The following GDI2 variants were observed in gnomAD, a reference collection of about 807,000 sequenced individuals.
The protein encoded by GDI2 is GDP dissociation inhibitor 2.
GDI2 carries 22 observed loss-of-function variants against 54.2 expected under a neutral mutation model. That is an observed-to-expected ratio of 0.41 (90% CI 0.29 to 0.58). The LOEUF is 0.58. GDI2 is among the 20% of genes least tolerant of loss of function. The pLI, the probability that GDI2 is intolerant of heterozygous loss-of-function variation, is 0.35. For synonymous variants in GDI2, 177 were observed against 182.1 expected (o/e 0.97, Z 0.23); for missense variants, 422 against 546.0 (o/e 0.77, Z 2.26).
intron 1 of GDI2, among the ~76,000 whole-genome samples, chr10:5,802,153 CT>C (rs1004278650): frequency 2.6e-5 from 4 of 152,066 alleles, no homozygotes; most frequent in South Asian, 2.1e-4. Context: ...GAACTAGCCG[CT>C]TTTTTTTATG....
In GDI2 at chr10:5,796,745, A is replaced by T; in HGVS notation, c.253+18T>A. ...GTAATCAAAGTACTGTCATAAATTT[A>T]AGTTAGAAATTCTTTACCATTAGCC... is the stretch of plus-strand genomic sequence containing the variant. On this transcript the variant is annotated intron_variant, in intron 3 of 10. Transcript: ENST00000380191. 8.8e-7 allele frequency: 1 copy of T among 1,136,172 alleles called. No individual in the cohort carries two copies. The highest frequency in any genetic ancestry group is 1.3e-6 in the Non-Finnish European group (1 of 746,314). 70.4% of individuals were successfully genotyped at this position (1,136,172 alleles called of 1,614,324 possible). A position where few individuals can be genotyped will look rare whatever the true frequency, so the allele number is the denominator to read the frequency against.
intron 1 of GDI2, among the ~76,000 whole-genome samples, chr10:5,802,277 A>G (rs1030345572): frequency 1.1e-4 from 16 of 152,182 alleles, no homozygotes; most frequent in East Asian, 5.8e-4. Flanking sequence ...CGTGCTGCCA[A>G]TAAGTCAAAT....
intron 1 of GDI2, 140 bp downstream of exon 1, chr10:5,813,074 C>G: frequency 1.9e-6 from 1 of 536,544 alleles, no homozygotes; most frequent in South Asian, 2.5e-5. Flanking sequence ...GCCCGCGCCC[C>G]TAGCCACGAC....
In GDI2 at chr10:5,776,310, T is replaced by G. The variant is rs1187076609; in HGVS notation, c.720-2369A>C. 1 of 602,210 alleles carries G rather than the reference T, an allele frequency of 1.7e-6. No homozygotes were observed. The highest frequency in any genetic ancestry group is 3.1e-6 in the Non-Finnish European group (1 of 324,996). The allele number at this position is 602,210 out of a possible 1,614,324, so 37.3% of individuals were successfully genotyped here. Reference sequence around the variant, plus strand: ...ACTGAAAGCCCAGCAGAACATAGGATGTAGCTGCCCATCTCACAAACCCTC... The same window carrying G: ...ACTGAAAGCCCAGCAGAACATAGGAGGTAGCTGCCCATCTCACAAACCCTC... On this transcript the variant is annotated intron_variant, in intron 6 of 10. Transcript: ENST00000380191. The surrounding 1 kb of genome is among the most constrained non-coding windows in gnomAD (Gnocchi z 5.3).
intron 2 of GDI2, 30 bp from the exon 3 acceptor site, chr10:5,796,892 G>A (rs1344201567): frequency 9.1e-6 from 10 of 1,096,096 alleles, no homozygotes; most frequent in Middle Eastern, 2.1e-4. Context: ...TAGCCATAAT[G>A]TTAACAAAAT....
intron 6 of GDI2, among the ~76,000 whole-genome samples, chr10:5,781,408 A>G (rs544483085): frequency 6.6e-6 from 1 of 152,022 alleles, no homozygotes; most frequent in Non-Finnish European, 1.5e-5. Context: ...CAGGCGGATC[A>G]TGAAGTCAGC....
chr10:5,792,011 G>A (rs1170589306), intron 4 of GDI2, among the ~76,000 whole-genome samples: 1 of 152,144 alleles, frequency 6.6e-6, no homozygotes, highest in African/African-American at 2.4e-5. Context: ...AATTTCCAAG[G>A]AGTGGCCAAG....
intron 7 of GDI2, chr10:5,769,391 G>T (rs777452232): frequency 6.6e-6 from 1 of 151,786 alleles, no homozygotes; most frequent in Non-Finnish European, 1.5e-5. Context: ...GACCAACATG[G>T]AGATACCTCG....
At chr10:5,780,926 C>G (rs571179747) in intron 6 of GDI2, among the ~76,000 whole-genome samples, 1 of 152,054 alleles carries the variant, frequency 6.6e-6, no homozygotes, top group African/African-American at 2.4e-5. Flanking sequence ...TATGGAAATG[C>G]GAACACCCAA....
In GDI2 at chr10:5,773,853, A is replaced by G; in HGVS notation, c.808T>C (p.Ser270Pro). The G allele has an allele frequency of 7.1e-7, 1 of 1,411,664 alleles. No individual in the cohort carries two copies. Among genetic ancestry groups the G allele is most frequent in the East Asian group, 2.3e-5 (1 of 43,826 alleles). The allele number at this position is 1,411,664 out of a possible 1,614,324, so 87.4% of individuals were successfully genotyped here. The stretch of plus-strand genomic sequence containing the variant: ...TAAAAGCTACTTACTTCTCCTTCAG[A>G]TTTTACACCAATTACTTTTCCATTC... ...VQNGKVIGVK[S>P]EGEIARCKQL... is the part of the protein sequence containing the mutation. The change falls in exon 7 of 11, where the codon TCT becomes CCT. Residue 270 changes from serine (S) to proline (P), a missense_variant. Physicochemically the swap from Ser to Pro is moderately conservative, Grantham distance 74 (BLOSUM62 -1). Transcript: ENST00000380191.
At chr10:5,789,540 G>C (rs1840961826) in intron 4 of GDI2, among the ~76,000 whole-genome samples, 2 of 152,082 alleles carry the variant, frequency 1.3e-5, no homozygotes, top group African/African-American at 2.4e-5. Flanking sequence ...TCCTGCCTTG[G>C]CCTACCAAGT....
chr10:5,811,379 C>T (rs1261983104), intron 1 of GDI2, among the ~76,000 whole-genome samples: 2 of 152,264 alleles, frequency 1.3e-5, no homozygotes, highest in East Asian at 3.9e-4. Context: ...TTAAACAAAG[C>T]TCATTATCTT....
At chr10:5,782,408 TAC>T (rs1447750502) in intron 6 of GDI2, among the ~76,000 whole-genome samples, 1 of 152,232 alleles carries the variant, frequency 6.6e-6, no homozygotes, top group East Asian at 1.9e-4. Context: ...AACACTGTTT[TAC>T]AGTTTCTTAT....
At chr10:5,782,867 A>T (rs1390041422) in intron 6 of GDI2, among the ~76,000 whole-genome samples, 7 of 152,196 alleles carry the variant, frequency 4.6e-5, no homozygotes, top group Non-Finnish European at 1.0e-4. Context: ...CAGGGGGTGG[A>T]GGTTGCAGTG....
chr10:5,812,218 AAAGAAC>A, intron 1 of GDI2, among the ~76,000 whole-genome samples: 1 of 152,166 alleles, frequency 6.6e-6, no homozygotes. Context: ...AAAAAAAAAA[AAAGAAC>A]AGAAAAAGTA....
intron 1 of GDI2, among the ~76,000 whole-genome samples, chr10:5,812,985 C>A (rs1841509143): frequency 6.6e-6 from 1 of 152,324 alleles, no homozygotes; most frequent in East Asian, 1.9e-4. Flanking sequence ...AGCCTCACGG[C>A]CCGCATCTCC....
chr10:5,784,374 C>G (rs928504124), intron 6 of GDI2, among the ~76,000 whole-genome samples: 1 of 152,164 alleles, frequency 6.6e-6, no homozygotes. Flanking sequence ...ACCTTTCTCT[C>G]GTGCCTCCTT....
chr10:5,793,338 T>G (rs1383946782), intron 4 of GDI2, among the ~76,000 whole-genome samples: 1 of 152,168 alleles, frequency 6.6e-6, no homozygotes, highest in Non-Finnish European at 1.5e-5. Flanking sequence ...CCTACTTCTA[T>G]GAAGATACTT....
intron 6 of GDI2, among the ~76,000 whole-genome samples, chr10:5,780,770 C>T (rs527639412): frequency 6.6e-6 from 1 of 152,302 alleles, no homozygotes; most frequent in South Asian, 2.1e-4. Context: ...AAGAAAACCA[C>T]ATGGAGAACA....
Sources: gnomAD v4.1 joint callset for allele counts (sites outside exome capture counted in the v4.1 genomes callset) on GRCh38, gnomAD v4.1.1 for gene constraint, Gnocchi (gnomAD v3.1) non-coding constraint, MANE v1.5 for transcripts, NCBI Gene and HGNC (gene_info 2026-07-23, HGNC 2026-07-21) for gene names.